JCAD: variants seen among roughly 807,000 people sequenced by gnomAD.
JCAD encodes junctional cadherin 5 associated, also known as junctional cadherin 5-associated protein.
In JCAD, 40 loss-of-function variants were observed where a neutral mutation model predicts 98.0. That is an observed-to-expected ratio of 0.41 (90% CI 0.32 to 0.53). JCAD has a LOEUF of 0.53. JCAD is among the 20% of genes least tolerant of loss of function. The pLI is 0.31. For missense variants in JCAD, 1,705 were observed against 1,738.1 expected (o/e 0.98, Z 0.34); for synonymous variants, 691 against 682.3 (o/e 1.01, Z -0.20).
intron 1 of JCAD, among the ~76,000 whole-genome samples, chr10:30,076,456 A>G (rs1179113397): frequency 6.6e-6 from 1 of 152,130 alleles, no homozygotes; most frequent in Non-Finnish European, 1.5e-5. Flanking sequence ...CACAGGTGAA[A>G]CTGATTTTCA....
intron 2 of JCAD, among the ~76,000 whole-genome samples, chr10:30,037,238 C>A (rs1837134814): frequency 6.6e-6 from 1 of 152,180 alleles, no homozygotes; most frequent in Non-Finnish European, 1.5e-5. Context: ...TTTCTTTTTT[C>A]AGCATGATTT....
chr10:30,020,404 A>T (rs973147571), intron 3 of JCAD, among the ~76,000 whole-genome samples: 4 of 152,268 alleles, frequency 2.6e-5, no homozygotes, highest in African/African-American at 9.6e-5. Flanking sequence ...ACTGTGCATT[A>T]AAAAGGCCAT....
intron 1 of JCAD, among the ~76,000 whole-genome samples, chr10:30,084,474 C>T (rs1163593277): frequency 6.6e-6 from 1 of 152,140 alleles, no homozygotes; most frequent in African/African-American, 2.4e-5. Context: ...CAGCAAATCA[C>T]CCTCCCTAAA....
At chr10:30,093,623 C>T (rs1838319901) in intron 1 of JCAD, among the ~76,000 whole-genome samples, 1 of 152,210 alleles carries the variant, frequency 6.6e-6, no homozygotes. Flanking sequence ...GCTCTAGCCC[C>T]CCGCATGTGG....
At chr10:30,106,560 G>T (rs1057046719) in intron 1 of JCAD, among the ~76,000 whole-genome samples, 8 of 152,226 alleles carry the variant, frequency 5.3e-5, no homozygotes, top group African/African-American at 1.9e-4. Context: ...GAGTGCAGTG[G>T]CACTATCTCG....
At chr10:30,035,568 G>A (rs766765180) in intron 2 of JCAD, among the ~76,000 whole-genome samples, 2 of 152,204 alleles carry the variant, frequency 1.3e-5, no homozygotes, top group African/African-American at 2.4e-5. Context: ...TAGTAGCTTC[G>A]CTATAGGACG....
upstream of JCAD, among the ~76,000 whole-genome samples, chr10:30,061,186 A>C (rs530957263): frequency 3.2e-4 from 48 of 152,240 alleles, 1 homozygote; most frequent in South Asian, 9.6e-3. Context: ...ATCTCATAGG[A>C]GAGTCATGAG....
At chr10:30,025,989 C>A in intron 3 of JCAD, 114 bp downstream of exon 3, 1 of 1,207,756 alleles carries the variant, frequency 8.3e-7, no homozygotes, top group Non-Finnish European at 1.2e-6. Context: ...TTCCCAGGGT[C>A]AACTTGATCT....
intron 1 of JCAD, among the ~76,000 whole-genome samples, chr10:30,082,234 G>T (rs754871709): frequency 3.3e-5 from 5 of 152,238 alleles, no homozygotes; most frequent in East Asian, 1.9e-4. Flanking sequence ...CCCGTAGGAT[G>T]AAAAATAGAG....
intron 1 of JCAD, among the ~76,000 whole-genome samples, chr10:30,075,280 A>G (rs1564464026): frequency 6.6e-6 from 1 of 152,206 alleles, no homozygotes; most frequent in Non-Finnish European, 1.5e-5. Flanking sequence ...GATCCAATAC[A>G]ATCCTAGTTC....
In JCAD at chr10:30,027,843, AG is replaced by A; in HGVS notation, c.2304del (p.Leu769CysfsTer34). On this transcript the variant is annotated frameshift_variant, in exon 3 of 4. Transcript: ENST00000375377. LOFTEE classifies it high-confidence loss of function. Reference sequence around the variant, plus strand: ...GGCGTCGGTGCCTGGTCCACGGACAAGGAAGTCCTTGAGAACGCACTGTTGC... The same window carrying A: ...GGCGTCGGTGCCTGGTCCACGGACAAGAAGTCCTTGAGAACGCACTGTTGC... ...PSSNSAFSRT[S>X]LSVDQAPTPK... 6.2e-7 allele frequency: 1 copy of A among 1,614,250 alleles called. No homozygotes were observed. Among genetic ancestry groups the A allele is most frequent in the Non-Finnish European group, 8.5e-7 (1 of 1,180,044 alleles).
At chr10:30,035,839 A>G (rs1837097366) in intron 2 of JCAD, among the ~76,000 whole-genome samples, 1 of 152,212 alleles carries the variant, frequency 6.6e-6, no homozygotes, top group Admixed American at 6.5e-5. Context: ...TGGGACAAGC[A>G]GGGTCTTTAC....
intron 3 of JCAD, among the ~76,000 whole-genome samples, chr10:30,022,081 C>T (rs551700736): frequency 9.2e-5 from 14 of 152,240 alleles, no homozygotes; most frequent in African/African-American, 2.4e-4. Context: ...ATGACACTTC[C>T]GAATTGGAGC....
In JCAD at chr10:30,029,050, C is replaced by T; in HGVS notation, c.1098G>A (p.Val366=). The change falls in exon 3 of 4, where the codon GTG becomes GTA. Residue 366 remains valine (V), a synonymous_variant. Coordinates refer to ENST00000375377, the MANE Select transcript of JCAD (RefSeq NM_020848.4). ...PYLEDTVPIN[V]CGGHSQQQSP... ...ACTGCTGTTGACTGTGACCGCCACA[C>T]ACATTTATGGGCACCGTGTCTTCCA... 1 of 1,614,116 alleles carries T rather than the reference C, an allele frequency of 6.2e-7. No individual in the cohort carries two copies. The highest frequency in any genetic ancestry group is 8.5e-7 in the Non-Finnish European group (1 of 1,180,030).
At chr10:30,034,745 C>G (rs1187261065) in intron 2 of JCAD, among the ~76,000 whole-genome samples, 1 of 152,162 alleles carries the variant, frequency 6.6e-6, no homozygotes. Context: ...ACTGAAAAGT[C>G]TTCAGCACCT....
chr10:30,089,927 C>T (rs967890218), intron 1 of JCAD, among the ~76,000 whole-genome samples: 10 of 152,248 alleles, frequency 6.6e-5, no homozygotes, highest in African/African-American at 2.4e-4. Context: ...GTTTTGTTCC[C>T]AATTACATTG....
At chr10:30,084,781 GTATCTATC>G (rs61201965) in intron 1 of JCAD, among the ~76,000 whole-genome samples, 5,326 of 146,822 alleles carry the variant, frequency 0.036, 152 homozygotes, top group African/African-American at 0.083. Context: ...AATCAAATCT[GTATCTATC>G]TATCTATCTA....
In JCAD at chr10:30,037,934, T is replaced by TAAAAA. The variant is rs57504197; in HGVS notation, c.282-8073_282-8069dup. Reference sequence around the variant, plus strand: ...AAAGATGAACTCAGAATGGAAAAATTAAAAAAAAAAAAAAAAAAAAAGTTG... The same window carrying TAAAAA: ...AAAGATGAACTCAGAATGGAAAAATTAAAAAAAAAAAAAAAAAAAAAAAAAAGTTG... On this transcript the variant is annotated intron_variant, in intron 2 of 3. Transcript: ENST00000375377. 9.1e-5 allele frequency among the ~76,000 whole-genome samples: 10 copies of TAAAAA among 109,324 alleles called. 2 individuals carry two copies. Among genetic ancestry groups the TAAAAA allele is most frequent in the Non-Finnish European group, 1.5e-4 (8 of 53,358 alleles). 71.7% of individuals were successfully genotyped at this position (109,324 alleles called of 152,430 possible). A position where few individuals can be genotyped will look rare whatever the true frequency, so the allele number is the denominator to read the frequency against.
At chr10:30,093,238 A>G (rs954970555) in intron 1 of JCAD, among the ~76,000 whole-genome samples, 3 of 152,196 alleles carry the variant, frequency 2.0e-5, no homozygotes, top group East Asian at 1.9e-4. Flanking sequence ...ACCTTTAGCC[A>G]TAAGCAAGGG....
Sources: allele counts gnomAD v4.1 joint callset (sites outside exome capture counted in the v4.1 genomes callset), GRCh38; gene constraint gnomAD v4.1.1; transcripts MANE v1.5; gene names NCBI Gene and HGNC (gene_info 2026-07-23, HGNC 2026-07-21).